Variants in CLDN16 observed in about 807,000 individuals in gnomAD.
CLDN16 encodes claudin 16, also known as claudin-16.
Under a neutral mutation model 24.6 loss-of-function variants are expected in CLDN16, and 13 were observed. That is an observed-to-expected ratio of 0.53 (90% CI 0.34 to 0.84). The LOEUF is 0.84. Among genes scored for constraint, CLDN16 ranks in the 40% least tolerant of loss-of-function variants. The pLI is 0.01. For synonymous variants in CLDN16, 116 were observed against 106.7 expected, an observed-to-expected ratio of 1.09 and a Z score of -0.54; for missense variants, 298 against 292.7, an observed-to-expected ratio of 1.02 and a Z score of -0.13.
Position 190,408,495 on chromosome 3 carries a change from T to C in CLDN16, c.564T>C (p.Tyr188=), listed in dbSNP as rs1719164774. The C allele has an allele frequency of 6.2e-7, 1 of 1,613,966 alleles. No individual in the cohort carries two copies. The highest frequency in any genetic ancestry group is 1.1e-5 in the South Asian group (1 of 91,074). Residue 188 remains tyrosine (Y), a synonymous_variant, in exon 4 of 5, where the codon TAT becomes TAC. Transcript: ENST00000264734. ...GAGCTGTTCTCACCTGCTGCTTATA[T>C]CTTTTTAAAGGTAAGAATAAAATAA... The part of the protein sequence containing the change: ...LAGAVLTCCL[Y]LFKDVGPERN...
At chr3:190,381,939 T>C (rs1459283603) in intron 3 of CLDN16, among the ~76,000 whole-genome samples, 7 of 151,940 alleles carry the variant, frequency 4.6e-5, no homozygotes, top group Non-Finnish European at 1.0e-4. Context: ...GAGAGAATAC[T>C]TAAATATTTG....
chr3:190,378,326 GA>G (rs1459466650), intron 3 of CLDN16, among the ~76,000 whole-genome samples: 9 of 151,950 alleles, frequency 5.9e-5, no homozygotes, highest in South Asian at 2.1e-4. Context: ...AGACAAAAAT[GA>G]GAGAAGTTCT....
chr3:190,389,777 A>C (rs1004918729), intron 1 of CLDN16, among the ~76,000 whole-genome samples: 9 of 152,236 alleles, frequency 5.9e-5, no homozygotes, highest in Non-Finnish European at 1.2e-4. Context: ...TGCTGTCATT[A>C]GTTTGCCATT....
chr3:190,346,702 T>C (rs1044379413), intron 1 of CLDN16, among the ~76,000 whole-genome samples: 2 of 152,168 alleles, frequency 1.3e-5, no homozygotes, highest in African/African-American at 2.4e-5. Flanking sequence ...AAGGGGATCT[T>C]GGGAAGTATC....
upstream of CLDN16, among the ~76,000 whole-genome samples, chr3:190,319,589 T>C (rs1380980787): frequency 1.3e-5 from 2 of 152,146 alleles, no homozygotes; most frequent in Non-Finnish European, 2.9e-5. Context: ...TTTTAATACT[T>C]CCCGTGCTAA....
the CLDN16 span, among the ~76,000 whole-genome samples, chr3:190,299,494 AT>A: frequency 6.6e-6 from 1 of 152,034 alleles, no homozygotes; most frequent in Non-Finnish European, 1.5e-5. Flanking sequence ...GTCTTATTTA[AT>A]TAGAAAAATT....
intron 3 of CLDN16, among the ~76,000 whole-genome samples, chr3:190,377,760 C>A (rs141542753): frequency 6.6e-6 from 1 of 152,016 alleles, no homozygotes; most frequent in African/African-American, 2.4e-5. Flanking sequence ...GAGCGGGCAC[C>A]CTCTCTGCCC....
At chr3:190,312,733 G>C in the CLDN16 span, 11 of 910,982 alleles carry the variant, frequency 1.2e-5, no homozygotes, top group Non-Finnish European at 1.6e-5. Flanking sequence ...TTGAGAACAT[G>C]AAAGTCAACT....
At chr3:190,378,142 G>A (rs1459551382) in intron 3 of CLDN16, among the ~76,000 whole-genome samples, 1 of 151,936 alleles carries the variant, frequency 6.6e-6, no homozygotes, top group East Asian at 1.9e-4. Flanking sequence ...GCTTATAATA[G>A]TGACTACCTC....
At chr3:190,294,467 T>C in the CLDN16 span, among the ~76,000 whole-genome samples, 2 of 152,150 alleles carry the variant, frequency 1.3e-5, no homozygotes, top group East Asian at 3.8e-4. Context: ...TGTAAATTAA[T>C]TTAATTTTTA....
chr3:190,355,841 T>G lies in CLDN16; in HGVS notation n.122-15052T>G, dbSNP rs1717758182. ...TAGATCAGGAAAAAAGTGAAGCATTTTTTTAGGTCCATACTTTGATTTCTC... is the reference window on the plus strand; with the variant it reads ...TAGATCAGGAAAAAAGTGAAGCATTGTTTTAGGTCCATACTTTGATTTCTC... On this transcript the variant is annotated intron_variant and non_coding_transcript_variant, in intron 1 of 4. Transcript: ENST00000468220. Among the ~76,000 whole-genome samples, 15 of 151,922 alleles carry G rather than the reference T, an allele frequency of 9.9e-5. 2 individuals carry two copies. The South Asian group carries it at 3.1e-3, about 32-fold the overall frequency.
At chr3:190,356,044 C>G (rs946893904) in intron 1 of CLDN16, among the ~76,000 whole-genome samples, 6 of 151,244 alleles carry the variant, frequency 4.0e-5, no homozygotes, top group Non-Finnish European at 8.9e-5. Context: ...TTTAGTGACT[C>G]TTAATTTCCT....
intron 1 of CLDN16, among the ~76,000 whole-genome samples, chr3:190,335,836 C>T (rs77705929): frequency 0.071 from 10,733 of 151,152 alleles, 565 homozygotes; most frequent in African/African-American, 0.14. Flanking sequence ...ATATAAATGA[C>T]AGTTATTGCT....
intron 2 of CLDN16, 58 bp from the exon 3 acceptor site, chr3:190,404,704 T>G: frequency 6.4e-7 from 1 of 1,566,072 alleles, no homozygotes; most frequent in Non-Finnish European, 8.8e-7. Flanking sequence ...TATGTCTCTG[T>G]GAGTTAATAT....
At chr3:190,304,098 C>T in the CLDN16 span, among the ~76,000 whole-genome samples, 2,006 of 152,286 alleles carry the variant, frequency 0.013, 40 homozygotes, top group African/African-American at 0.044. Context: ...CTAGGACTCT[C>T]CTCTCAGAGG....
intron 1 of CLDN16, among the ~76,000 whole-genome samples, chr3:190,337,879 C>T (rs1257552936): frequency 6.6e-6 from 1 of 152,268 alleles, no homozygotes; most frequent in African/African-American, 2.4e-5. Context: ...GGGAACATGG[C>T]AAAGATATCC....
At chr3:190,328,045 G>C (rs1050563988) in intron 1 of CLDN16, among the ~76,000 whole-genome samples, 4 of 151,928 alleles carry the variant, frequency 2.6e-5, no homozygotes, top group African/African-American at 9.7e-5. Flanking sequence ...AGCTTGGGAG[G>C]CCAAGGTGAG....
chr3:190,383,337 A>G (rs1718412456), upstream of CLDN16, among the ~76,000 whole-genome samples: 3 of 152,176 alleles, frequency 2.0e-5, no homozygotes, highest in Admixed American at 1.3e-4. Context: ...ACAAGGCTTC[A>G]GTTCATCTGC....
chr3:190,310,357 A>G, the CLDN16 span: 1 of 788,768 alleles, frequency 1.3e-6, no homozygotes, highest in Non-Finnish European at 2.2e-6. Flanking sequence ...AAATCTCATC[A>G]ATAGTGTTGA....
Sources: allele counts gnomAD v4.1 joint callset (sites outside exome capture counted in the v4.1 genomes callset), GRCh38; gene constraint gnomAD v4.1.1; transcripts MANE v1.5; gene names NCBI Gene and HGNC (gene_info 2026-07-23, HGNC 2026-07-21).